Variants in ZRANB3 observed in about 807,000 individuals in gnomAD.
ZRANB3 encodes the protein DNA annealing helicase and endonuclease ZRANB3.
In ZRANB3, 125 loss-of-function variants were observed where a neutral mutation model predicts 133.8. The observed-to-expected ratio is 0.93, with a 90% confidence interval of 0.81 to 1.08. The LOEUF is 1.08. Ranked by LOEUF, ZRANB3 falls within the 50% of genes least tolerant of loss-of-function variation. The pLI is 0.00. For synonymous variants in ZRANB3, 387 were observed against 432.7 expected, an observed-to-expected ratio of 0.89 and a Z score of 1.31; for missense variants, 1,229 against 1,275.5, an observed-to-expected ratio of 0.96 and a Z score of 0.56.
intron 2 of ZRANB3, among the ~76,000 whole-genome samples, chr2:135,474,070 A>T (rs1056431083): frequency 6.6e-6 from 1 of 152,012 alleles, no homozygotes; most frequent in South Asian, 2.1e-4. Flanking sequence ...TTGCGTCTCT[A>T]GTCTCAGCTA....
chr2:135,287,359 C>G (rs1482593235), intron 8 of ZRANB3, among the ~76,000 whole-genome samples: 1 of 152,034 alleles, frequency 6.6e-6, no homozygotes, highest in Non-Finnish European at 1.5e-5. Flanking sequence ...ATGTGATACC[C>G]CTGGATTTGT....
In ZRANB3 at chr2:135,504,368, T is replaced by C; in HGVS notation, c.122A>G (p.Gln41Arg). Residue 41 changes from glutamine (Q) to arginine (R), a missense_variant, in exon 2 of 21, where the codon CAG becomes CGG. Gln to Arg is a conservative substitution (Grantham distance 43). Transcript: ENST00000264159. ...GAGGGCAAAAATGATGCCATCTTTC[T>C]GGAATGGAAGTAGCTTTGCTCTTAG... ...DRLRAKLLPF[Q>R]KDGIIFALKR... 1 of 1,613,662 alleles carries C rather than the reference T, an allele frequency of 6.2e-7. No homozygotes were observed. Among genetic ancestry groups the C allele is most frequent in the Non-Finnish European group, 8.5e-7 (1 of 1,179,718 alleles).
At chr2:135,351,205 C>T (rs1055717572) in intron 4 of ZRANB3, among the ~76,000 whole-genome samples, 1 of 151,766 alleles carries the variant, frequency 6.6e-6, no homozygotes, top group East Asian at 1.9e-4. Context: ...GCCAGAACCA[C>T]TATGGCTACT....
At chr2:135,306,303 T>C (rs1188036210) in intron 8 of ZRANB3, among the ~76,000 whole-genome samples, 12 of 140,318 alleles carry the variant, frequency 8.6e-5, no homozygotes, top group Admixed American at 4.4e-4. Flanking sequence ...TTTTTTTTTT[T>C]CTGAGGTGGA....
intron 2 of ZRANB3, among the ~76,000 whole-genome samples, chr2:135,443,907 G>T (rs922755037): frequency 6.6e-5 from 10 of 152,054 alleles, no homozygotes; most frequent in Non-Finnish European, 2.9e-5. Context: ...AGCTATGTAA[G>T]AAGAATATAT....
intron 6 of ZRANB3, among the ~76,000 whole-genome samples, chr2:135,334,764 G>A (rs1047310542): frequency 1.2e-4 from 11 of 89,312 alleles, no homozygotes; most frequent in East Asian, 6.4e-4. Flanking sequence ...GCATGGTGGC[G>A]CGCGCCTGTA....
At chr2:135,417,065 CTA>C (rs1688612538) in intron 2 of ZRANB3, among the ~76,000 whole-genome samples, 1 of 152,142 alleles carries the variant, frequency 6.6e-6, no homozygotes, top group Non-Finnish European at 1.5e-5. Flanking sequence ...GACTTCATGA[CTA>C]AAACACCAAA....
At chr2:135,338,046 T>A (rs1286293265) in intron 6 of ZRANB3, among the ~76,000 whole-genome samples, 1 of 152,198 alleles carries the variant, frequency 6.6e-6, no homozygotes, top group Non-Finnish European at 1.5e-5. Flanking sequence ...GTGCTGCGTA[T>A]TTTTTAATAC....
intron 2 of ZRANB3, among the ~76,000 whole-genome samples, chr2:135,448,482 G>A (rs1690128123): frequency 6.6e-6 from 1 of 152,180 alleles, no homozygotes; most frequent in Non-Finnish European, 1.5e-5. Context: ...AAAATACTAA[G>A]ACATTCACTA....
chr2:135,248,671 C>T (rs546219850), intron 12 of ZRANB3, among the ~76,000 whole-genome samples: 2 of 152,234 alleles, frequency 1.3e-5, no homozygotes, highest in East Asian at 1.9e-4. Context: ...TATGGGAAGC[C>T]GAGATGGGTG....
intron 8 of ZRANB3, among the ~76,000 whole-genome samples, chr2:135,309,274 C>T (rs1031190708): frequency 7.2e-5 from 11 of 152,146 alleles, no homozygotes; most frequent in Admixed American, 5.2e-4. Context: ...AGCCACCGCA[C>T]CCAGCCGCAA....
chr2:135,306,219 T>C (rs1682688076), intron 8 of ZRANB3, among the ~76,000 whole-genome samples: 1 of 152,178 alleles, frequency 6.6e-6, no homozygotes, highest in Non-Finnish European at 1.5e-5. Context: ...AATTTAAATA[T>C]TTGGACACTT....
At position 135,444,298 on chromosome 2, in the gene ZRANB3, A is replaced by G. The variant is rs1024282712; in HGVS notation, c.162-53478T>C. On this transcript the variant is annotated intron_variant, in intron 2 of 20. Coordinates refer to ENST00000264159, the MANE Select transcript of ZRANB3 (RefSeq NM_032143.4). ...TTTTTCATGCCAGAGAAATGAAAACAAATATCCAGAATTGCATGGGAATGT... is the reference window on the plus strand; with the variant it reads ...TTTTTCATGCCAGAGAAATGAAAACGAATATCCAGAATTGCATGGGAATGT... Among the ~76,000 whole-genome samples the G allele has an allele frequency of 3.3e-5, 5 of 152,224 alleles. No individual in the cohort carries two copies. In the South Asian group the frequency reaches 6.2e-4, roughly 19 times the overall value.
intron 8 of ZRANB3, among the ~76,000 whole-genome samples, 190 bp from the exon 9 acceptor site, chr2:135,275,945 G>A (rs1680799079): frequency 6.6e-6 from 1 of 152,024 alleles, no homozygotes; most frequent in African/African-American, 2.4e-5. Flanking sequence ...GGGACAAGAA[G>A]GGGAAAAACT....
intron 2 of ZRANB3, among the ~76,000 whole-genome samples, chr2:135,411,305 C>A (rs947092719): frequency 1.3e-5 from 2 of 152,006 alleles, no homozygotes; most frequent in Admixed American, 1.3e-4. Flanking sequence ...TTATACACTG[C>A]TGAGGGGGGA....
At chr2:135,248,369 C>T (rs1015231221) in intron 12 of ZRANB3, among the ~76,000 whole-genome samples, 1 of 152,128 alleles carries the variant, frequency 6.6e-6, no homozygotes, top group Non-Finnish European at 1.5e-5. Context: ...TCTGGACAAA[C>T]GAATGAGCAA....
At chr2:135,241,134 T>A (rs1695531330) in intron 12 of ZRANB3, among the ~76,000 whole-genome samples, 1 of 152,188 alleles carries the variant, frequency 6.6e-6, no homozygotes, top group African/African-American at 2.4e-5. Flanking sequence ...ATTTCTATTA[T>A]TCTTTGATAG....
intron 12 of ZRANB3, among the ~76,000 whole-genome samples, chr2:135,264,012 T>TCCTGACCTCAACTGATCCACCCA (rs1680098713): frequency 3.3e-5 from 5 of 150,290 alleles, no homozygotes; most frequent in Admixed American, 2.7e-4. Flanking sequence ...GATCTCGAAC[T>TCCTGACCTCAACTGATCCACCCA]CCTGACCTCA....
rs1267092813 is a variant in ZRANB3, at chr2:135,507,618, T to TAAA, written c.-7-3125_-7-3123dup. 8.3e-3 allele frequency among the ~76,000 whole-genome samples: 1,253 copies of TAAA among 150,736 alleles called. 7 individuals carry two copies. Among genetic ancestry groups the TAAA allele is most frequent in the African/African-American group, 0.018 (727 of 41,142 alleles). On this transcript the variant is annotated intron_variant, in intron 1 of 20. Coordinates refer to ENST00000264159, the MANE Select transcript of ZRANB3 (RefSeq NM_032143.4). ...TGGCAAGAAGTTAAGTAAAAAATTT[T>TAAA]AAAAAAAAATGTTGCTGTCTATCAT...
Sources: allele counts gnomAD v4.1 joint callset (sites outside exome capture counted in the v4.1 genomes callset), GRCh38; gene constraint gnomAD v4.1.1; transcripts MANE v1.5; gene names NCBI Gene and HGNC (gene_info 2026-07-23, HGNC 2026-07-21).